The following ECE1 variants were observed in gnomAD, a reference collection of about 807,000 sequenced individuals.
ECE1 encodes the protein endothelin-converting enzyme 1.
ECE1 carries 35 observed loss-of-function variants against 98.6 expected under a neutral mutation model. The ratio of observed to expected loss-of-function variants is 0.35; its 90% CI spans 0.27 to 0.47. ECE1 has a LOEUF of 0.47. Ranked by LOEUF, ECE1 falls within the 20% of genes least tolerant of loss-of-function variation. ECE1 has a pLI of 1.00. For missense variants in ECE1, 814 were observed against 1,025.3 expected (o/e 0.79, Z 2.81); for synonymous variants, 394 against 407.1 (o/e 0.97, Z 0.39).
At position 21,295,777 on chromosome 1, in the gene ECE1, A is replaced by G. The variant is rs1638338074; in HGVS notation, c.4-5621T>C. Among the ~76,000 whole-genome samples, 3 of 152,310 alleles carry G rather than the reference A, an allele frequency of 2.0e-5. No homozygotes were observed. The South Asian group carries it at 6.2e-4, about 32-fold the overall frequency. On this transcript the variant is annotated intron_variant, in intron 1 of 18. Coordinates refer to the ECE1 transcript ENST00000415912. ...GTATTTTATTTATAACCTATCATGA[A>G]TCCTTTGTGGAACAGAGTTAGAAAC...
In ECE1 at chr1:21,345,245, G is replaced by A. The variant is rs1458943407; in HGVS notation, c.3+131C>T. 42 of 1,145,644 alleles carry A rather than the reference G, an allele frequency of 3.7e-5. No individual in the cohort carries two copies. The highest frequency in any genetic ancestry group is 4.5e-5 in the Non-Finnish European group (42 of 926,686). 71.0% of individuals were successfully genotyped at this position (1,145,644 alleles called of 1,614,324 possible). A position where few individuals can be genotyped will look rare whatever the true frequency, so the allele number is the denominator to read the frequency against. ...ACTCCACGCCTTCCGAGAGCCGGGC[G>A]GGGGCTGCTGCTGCAGCCGGCGCCC... On this transcript the variant is annotated intron_variant, in intron 1 of 18. Transcript: ENST00000415912. This position sits in a 1 kb window ranked among gnomAD's most constrained non-coding sequence, Gnocchi z 5.1.
intron 1 of ECE1, among the ~76,000 whole-genome samples, chr1:21,306,333 G>GT (rs763952464): frequency 0.09 from 12,594 of 140,524 alleles, 1,710 homozygotes; most frequent in African/African-American, 0.3. Context: ...GTGTTTTTTT[G>GT]TTTTTTTTTT....
chr1:21,285,041 G>T (rs918141591), intron 2 of ECE1, among the ~76,000 whole-genome samples: 1 of 152,152 alleles, frequency 6.6e-6, no homozygotes, highest in Non-Finnish European at 1.5e-5. Context: ...GTTTCCATGA[G>T]GTGGCCTTCT....
Position 21,254,929 on chromosome 1 carries a change from C to T in ECE1, c.1020+1018G>A, listed in dbSNP as rs377038523. Among the ~76,000 whole-genome samples the T allele has an allele frequency of 9.8e-5, 15 of 152,290 alleles. No homozygotes were observed. The South Asian group carries it at 1.0e-3, about 11-fold the overall frequency. ...AGTTGGCCTGGAAATGCTCATCTAT[C>T]GTTAGACTCACCTTCCCTGACTTCT... On this transcript the variant is annotated intron_variant, in intron 8 of 18. Coordinates refer to ENST00000374893, the MANE Select transcript of ECE1 (RefSeq NM_001397.3).
chr1:21,222,658 T>C (rs1192709196), intron 17 of ECE1, among the ~76,000 whole-genome samples: 2 of 151,906 alleles, frequency 1.3e-5, no homozygotes, highest in African/African-American at 4.8e-5. Flanking sequence ...CTGGCCAACA[T>C]GGTGAAACCC....
intron 8 of ECE1, 48 bp from the exon 9 acceptor site, chr1:21,247,411 C>T (rs2103264105): frequency 1.2e-6 from 2 of 1,613,930 alleles, no homozygotes; most frequent in Middle Eastern, 1.7e-4. Context: ...CTCCTCCTCA[C>T]AGCCCAGGGC....
intron 14 of ECE1, 47 bp from the exon 15 acceptor site, chr1:21,228,088 A>G: frequency 6.8e-7 from 1 of 1,469,472 alleles, no homozygotes; most frequent in Non-Finnish European, 9.3e-7. Flanking sequence ...GGCGGGAGGC[A>G]GGTGGGGACA....
chr1:21,273,190 CTT>C (rs2098242381), intron 3 of ECE1, among the ~76,000 whole-genome samples: 1 of 152,268 alleles, frequency 6.6e-6, no homozygotes, highest in South Asian at 2.1e-4. Flanking sequence ...TTCATTGACT[CTT>C]TATTATTCCT....
Position 21,281,975 on chromosome 1 carries a change from G to A in ECE1, c.139-2643C>T, listed in dbSNP as rs148597811. ...CTCCCAAAGTGCTGGACTGCACCTGGATGAGACCTTGGTTTAAGAGGTACC... is the reference window on the plus strand; with the variant it reads ...CTCCCAAAGTGCTGGACTGCACCTGAATGAGACCTTGGTTTAAGAGGTACC... On this transcript the variant is annotated intron_variant, in intron 2 of 18. Coordinates refer to ENST00000374893, the MANE Select transcript of ECE1 (RefSeq NM_001397.3). Among the ~76,000 whole-genome samples, 484 of 152,238 alleles carry A rather than the reference G, an allele frequency of 3.2e-3. 3 individuals are homozygous for A. The highest frequency in any genetic ancestry group is 0.011 in the African/African-American group (468 of 41,552).
intron 8 of ECE1, among the ~76,000 whole-genome samples, chr1:21,255,719 G>A (rs972485808): frequency 2.6e-5 from 4 of 152,166 alleles, no homozygotes; most frequent in African/African-American, 9.7e-5. Context: ...GCCTGGTGTC[G>A]GCCAGGCGCC....
chr1:21,219,786 G>T lies in ECE1; in HGVS notation c.*169C>A. 1 of 800,888 alleles carries T rather than the reference G, an allele frequency of 1.2e-6. No individual in the cohort carries two copies. The highest frequency in any genetic ancestry group is 2.0e-6 in the Non-Finnish European group (1 of 492,488). 49.6% of individuals were successfully genotyped at this position (800,888 alleles called of 1,614,324 possible). A position where few individuals can be genotyped will look rare whatever the true frequency, so the allele number is the denominator to read the frequency against. ...GCTCTTCACAGGGGATCAGACTGCG[G>T]GTCACGTTGAGAGCCAACACCATGG... is the stretch of plus-strand genomic sequence containing the variant. On this transcript the variant is annotated 3_prime_UTR_variant, in exon 19 of 19. Transcript: ENST00000374893. The surrounding 1 kb of genome is among the most constrained non-coding windows in gnomAD (Gnocchi z 4.5).
intron 1 of ECE1, among the ~76,000 whole-genome samples, chr1:21,325,105 C>A (rs1274137261): frequency 6.6e-6 from 1 of 152,196 alleles, no homozygotes; most frequent in Non-Finnish European, 1.5e-5. Context: ...TGCAAAACTG[C>A]AAAATCCAAT....
chr1:21,311,507 C>CAAAAAAAAA (rs1638723114), intron 1 of ECE1, among the ~76,000 whole-genome samples: 2 of 45,522 alleles, frequency 4.4e-5, no homozygotes, highest in African/African-American at 2.2e-4. Flanking sequence ...ACCCTGTCTC[C>CAAAAAAAAA]ACAAAAAAAA....
chr1:21,236,970 G>T, intron 11 of ECE1, 126 bp from the exon 12 acceptor site: 3 of 927,332 alleles, frequency 3.2e-6, no homozygotes, highest in Non-Finnish European at 5.2e-6. Flanking sequence ...GGCTGGGTGA[G>T]AAGGGGAGCC....
chr1:21,310,015 C>A (rs1210257642), intron 1 of ECE1, among the ~76,000 whole-genome samples: 1 of 151,980 alleles, frequency 6.6e-6, no homozygotes, highest in Non-Finnish European at 1.5e-5. Flanking sequence ...TGGTCTCGAT[C>A]TCCTGACCTC....
At chr1:21,279,489 C>T in intron 2 of ECE1, 157 bp from the exon 3 acceptor site, 8 of 1,499,784 alleles carry the variant, frequency 5.3e-6, no homozygotes, top group Non-Finnish European at 6.3e-6. Flanking sequence ...CAGCCCTAAT[C>T]CAGGAAAGGA....
chr1:21,260,548 G>A lies in ECE1; in HGVS notation c.494-156C>T, dbSNP rs566434681. 1.3e-4 allele frequency among the ~76,000 whole-genome samples: 20 copies of A among 152,290 alleles called. No homozygotes were observed. Among genetic ancestry groups the A allele is most frequent in the African/African-American group, 4.8e-4 (20 of 41,558 alleles). On this transcript the variant is annotated intron_variant, in intron 4 of 18. Coordinates refer to ENST00000374893, the MANE Select transcript of ECE1 (RefSeq NM_001397.3). This position sits in a 1 kb window ranked among gnomAD's most constrained non-coding sequence, Gnocchi z 4.3. ...GCAGTGAGGAATGCCGTCACCGTGA[G>A]TATGTGAGGGCCCCTGGACAGAGCC...
chr1:21,272,677 G>A, intron 4 of ECE1, 22 bp downstream of exon 4: 1 of 1,613,898 alleles, frequency 6.2e-7, no homozygotes, highest in Non-Finnish European at 8.5e-7. Context: ...CCCATTTATT[G>A]GTCTCCATGC....
chr1:21,271,774 CA>C (rs28367957), intron 4 of ECE1, among the ~76,000 whole-genome samples: 1 of 152,180 alleles, frequency 6.6e-6, no homozygotes, highest in African/African-American at 2.4e-5. Flanking sequence ...ACCATCAACA[CA>C]GGGGTGAACT....
Sources: gnomAD v4.1 joint callset for allele counts (sites outside exome capture counted in the v4.1 genomes callset) on GRCh38, gnomAD v4.1.1 for gene constraint, Gnocchi (gnomAD v3.1) non-coding constraint, MANE v1.5 for transcripts, NCBI Gene and HGNC (gene_info 2026-07-23, HGNC 2026-07-21) for gene names.